Variants in GULP1 observed in about 807,000 individuals in gnomAD.
GULP1 encodes the protein PTB domain-containing engulfment adapter protein 1.
In GULP1, 19 loss-of-function variants were observed where a neutral mutation model predicts 40.9. That is an observed-to-expected ratio of 0.46 (90% CI 0.32 to 0.68). The LOEUF (loss-of-function observed/expected upper bound fraction) is 0.68, where lower values mean the gene tolerates loss of function less well. GULP1 is among the 30% of genes least tolerant of loss of function. The probability of loss-of-function intolerance (pLI) is 0.03; values close to 1 mark genes in which losing one functional copy is unlikely to be tolerated. For synonymous variants in GULP1, 119 were observed against 117.6 expected, an observed-to-expected ratio of 1.01 and a Z score of -0.08; for missense variants, 312 against 362.2, an observed-to-expected ratio of 0.86 and a Z score of 1.12.
chr2:188,303,823 AT>A (rs1332877478), intron 1 of GULP1, among the ~76,000 whole-genome samples: 1 of 152,182 alleles, frequency 6.6e-6, no homozygotes, highest in Non-Finnish European at 1.5e-5. Context: ...TGCTTGCTTT[AT>A]GAGATCATGA....
chr2:188,562,235 A>G (rs1252783550), intron 7 of GULP1, among the ~76,000 whole-genome samples: 2 of 152,286 alleles, frequency 1.3e-5, no homozygotes, highest in East Asian at 3.9e-4. Flanking sequence ...GAACAGCTCC[A>G]TATTTTAGTT....
At chr2:188,315,598 T>C (rs2038938794) in intron 1 of GULP1, among the ~76,000 whole-genome samples, 1 of 152,138 alleles carries the variant, frequency 6.6e-6, no homozygotes, top group Non-Finnish European at 1.5e-5. Flanking sequence ...TAAAGGTTTC[T>C]TGGATTAATG....
rs1374165840 is a variant in GULP1, at chr2:188,429,499, C to CA, written c.-45+45620dup. On this transcript the variant is annotated intron_variant, in intron 2 of 11. Coordinates refer to ENST00000409830, the MANE Select transcript of GULP1 (RefSeq NM_016315.4). ...TGGTCAACAGAGCAAGACTCTGTCT[C>CA]AAAAAAAAAAGATTCAGTAGGAGTC... 2.8e-4 allele frequency among the ~76,000 whole-genome samples: 41 copies of CA among 145,298 alleles called. 1 individual carries two copies. Among genetic ancestry groups the CA allele is most frequent in the East Asian group, 1.0e-3 (5 of 4,964 alleles).
intron 2 of GULP1, among the ~76,000 whole-genome samples, chr2:188,423,226 T>G (rs2055699862): frequency 6.6e-6 from 1 of 152,188 alleles, no homozygotes; most frequent in Admixed American, 6.5e-5. Context: ...ATTAGTAGCT[T>G]AGTAAATTAT....
intron 2 of GULP1, among the ~76,000 whole-genome samples, chr2:188,396,072 A>G (rs1348008051): frequency 6.6e-6 from 1 of 152,216 alleles, no homozygotes; most frequent in Non-Finnish European, 1.5e-5. Context: ...TTCTGCCTGC[A>G]GATGCTATAA....
intron 1 of GULP1, among the ~76,000 whole-genome samples, chr2:188,322,753 G>A (rs1296433572): frequency 6.6e-6 from 1 of 152,206 alleles, no homozygotes; most frequent in East Asian, 1.9e-4. Context: ...TGAGTAGTAC[G>A]TCAAAGCCAG....
At chr2:188,365,720 C>G (rs1380254639) in intron 1 of GULP1, among the ~76,000 whole-genome samples, 2 of 152,138 alleles carry the variant, frequency 1.3e-5, no homozygotes, top group African/African-American at 4.8e-5. Context: ...TAAGCGGACT[C>G]TAGTTGGCCC....
intron 2 of GULP1, among the ~76,000 whole-genome samples, chr2:188,435,651 G>T (rs888048222): frequency 6.6e-6 from 1 of 152,048 alleles, no homozygotes; most frequent in Non-Finnish European, 1.5e-5. Context: ...CTGAAATAAA[G>T]GAGTTTTCTG....
intron 7 of GULP1, among the ~76,000 whole-genome samples, chr2:188,565,782 C>A (rs1381356542): frequency 6.6e-6 from 1 of 152,044 alleles, no homozygotes; most frequent in Non-Finnish European, 1.5e-5. Context: ...CCATGAATGT[C>A]CATCCATAGT....
intron 2 of GULP1, among the ~76,000 whole-genome samples, chr2:188,441,396 C>G (rs1559244888): frequency 6.6e-6 from 1 of 152,164 alleles, no homozygotes; most frequent in Admixed American, 6.6e-5. Context: ...TGATATTTAA[C>G]CTAAACCACT....
chr2:188,589,241 C>T (rs1467373052), intron 11 of GULP1: 1 of 152,084 alleles, frequency 6.6e-6, no homozygotes, highest in Non-Finnish European at 1.5e-5. Context: ...AAGCTAAAAC[C>T]ACCTTATCAA....
chr2:188,523,185 CT>C (rs1338367985), intron 5 of GULP1, among the ~76,000 whole-genome samples: 3 of 152,150 alleles, frequency 2.0e-5, no homozygotes, highest in African/African-American at 4.8e-5. Flanking sequence ...TAACAACTGT[CT>C]TTAAAAGCTA....
intron 4 of GULP1, among the ~76,000 whole-genome samples, chr2:188,514,159 A>T (rs895601648): frequency 4.0e-5 from 6 of 151,344 alleles, no homozygotes; most frequent in African/African-American, 1.5e-4. Context: ...GGCTCCTGCC[A>T]CCTGGGACCC....
chr2:188,408,600 T>C (rs1019697562), intron 2 of GULP1, among the ~76,000 whole-genome samples: 1 of 152,110 alleles, frequency 6.6e-6, no homozygotes, highest in African/African-American at 2.4e-5. Context: ...CTTTCAACAA[T>C]GGACAGATTA....
At chr2:188,587,813 C>G in intron 10 of GULP1, 42 bp from the exon 11 acceptor site, 1 of 1,085,872 alleles carries the variant, frequency 9.2e-7, no homozygotes. Flanking sequence ...CTCCAGCTCA[C>G]TTCTTGTTAT....
At chr2:188,360,736 A>G (rs1402905031) in intron 1 of GULP1, among the ~76,000 whole-genome samples, 43 of 152,114 alleles carry the variant, frequency 2.8e-4, no homozygotes, top group Non-Finnish European at 2.9e-5. Context: ...TTTTGGAAAG[A>G]TAGCAAGGCA....
intron 6 of GULP1, among the ~76,000 whole-genome samples, chr2:188,537,845 T>G (rs2153277644): frequency 6.6e-6 from 1 of 152,248 alleles, no homozygotes; most frequent in South Asian, 2.1e-4. Flanking sequence ...GATTTTTTAT[T>G]ACTGATTCAA....
intron 3 of GULP1, among the ~76,000 whole-genome samples, chr2:188,482,727 A>G (rs549818338): frequency 8.6e-5 from 13 of 151,352 alleles, no homozygotes; most frequent in African/African-American, 1.2e-4. Context: ...AATAATATAT[A>G]ATACAATTAC....
chr2:188,329,229 A>G lies in GULP1; in HGVS notation c.-172+37063A>G, dbSNP rs188386940. On this transcript the variant is annotated intron_variant, in intron 1 of 11. Transcript: ENST00000409830. ...CAATAGCACTATTATTACCATGCCA[A>G]TGGTTCTATATTTTACGTTCTGGTT... is the stretch of plus-strand genomic sequence containing the variant. Among the ~76,000 whole-genome samples the G allele has an allele frequency of 1.8e-3, 276 of 152,000 alleles. 2 individuals are homozygous for G. The highest frequency in any genetic ancestry group is 6.3e-3 in the African/African-American group (261 of 41,462).
Sources: allele counts gnomAD v4.1 joint callset (sites outside exome capture counted in the v4.1 genomes callset), GRCh38; gene constraint gnomAD v4.1.1; transcripts MANE v1.5; gene names NCBI Gene and HGNC (gene_info 2026-07-23, HGNC 2026-07-21).